Variants in PHF14 observed in about 807,000 individuals in gnomAD.
The protein encoded by PHF14 is PHD finger protein 14.
PHF14 carries 55 observed loss-of-function variants against 117.9 expected under a neutral mutation model. The ratio of observed to expected loss-of-function variants is 0.47; its 90% confidence interval spans 0.38 to 0.58. The LOEUF is 0.58. Among genes scored for constraint, PHF14 ranks in the 20% least tolerant of loss-of-function variants. The pLI is 0.00. For missense variants in PHF14, 978 were observed against 1,122.2 expected (o/e 0.87, Z 1.84); for synonymous variants, 409 against 368.6 (o/e 1.11, Z -1.26).
At chr7:11,015,281 G>A (rs558189145) in intron 5 of PHF14, 1 of 152,060 alleles carries the variant, frequency 6.6e-6, no homozygotes, top group Non-Finnish European at 1.5e-5. Flanking sequence ...CTTGAGAAAT[G>A]TTGCCATACA....
intron 16 of PHF14, among the ~76,000 whole-genome samples, chr7:11,090,964 G>A (rs1044836970): frequency 2.0e-5 from 3 of 152,206 alleles, no homozygotes; most frequent in Non-Finnish European, 4.4e-5. Flanking sequence ...GACCATATGA[G>A]TCATGTGTGA....
intron 17 of PHF14, among the ~76,000 whole-genome samples, chr7:11,132,422 C>T (rs987560991): frequency 2.6e-5 from 4 of 151,162 alleles, no homozygotes; most frequent in African/African-American, 7.3e-5. Flanking sequence ...TGGCAGATGG[C>T]GAGATCTCAT....
chr7:11,132,084 T>A (rs1788105850), intron 17 of PHF14, among the ~76,000 whole-genome samples: 1 of 151,708 alleles, frequency 6.6e-6, no homozygotes, highest in African/African-American at 2.4e-5. Context: ...TAATTACCAT[T>A]TTTTTGGGAG....
At chr7:10,989,123 A>G (rs979741512) in intron 3 of PHF14, among the ~76,000 whole-genome samples, 5 of 152,230 alleles carry the variant, frequency 3.3e-5, no homozygotes, top group Non-Finnish European at 5.9e-5. Context: ...TAGAAATACT[A>G]GAATTCTAAA....
intron 14 of PHF14, among the ~76,000 whole-genome samples, chr7:11,059,200 T>G (rs1785122615): frequency 6.6e-6 from 1 of 152,016 alleles, no homozygotes; most frequent in Non-Finnish European, 1.5e-5. Flanking sequence ...ATTGATGGAG[T>G]CATACCAGAT....
chr7:10,988,079 G>GATGT (rs1782290774), intron 3 of PHF14, among the ~76,000 whole-genome samples: 1 of 150,580 alleles, frequency 6.6e-6, no homozygotes, highest in African/African-American at 2.4e-5. Flanking sequence ...TTTTAAGGAG[G>GATGT]ATGTGTTACT....
At chr7:11,121,670 G>C (rs938393191) in intron 17 of PHF14, among the ~76,000 whole-genome samples, 36 of 152,188 alleles carry the variant, frequency 2.4e-4, no homozygotes, top group African/African-American at 8.2e-4. Flanking sequence ...GCAGTACTGT[G>C]ATGGTCGATC....
At position 11,161,587 on chromosome 7, in the gene PHF14, T is replaced by A. The variant is rs183494259; in HGVS notation, c.2773-7829T>A. The stretch of plus-strand genomic sequence containing the variant: ...CTAGTGATCTTGCCTATCTTGAACA[T>A]TTTTAGATATTATTTTTAGATTTTA... On this transcript the variant is annotated intron_variant, in intron 17 of 17. Transcript: ENST00000634607. Among the ~76,000 whole-genome samples the A allele has an allele frequency of 4.5e-3, 687 of 151,678 alleles. 2 individuals are homozygous for A. Among genetic ancestry groups the A allele is most frequent in the Non-Finnish European group, 6.3e-3 (427 of 67,864 alleles).
chr7:11,148,379 T>C lies in PHF14; in HGVS notation c.2773-21037T>C, dbSNP rs1454366932. On this transcript the variant is annotated intron_variant, in intron 17 of 17. Transcript: ENST00000634607. ...ATACATGCTGTGCTCTTTTCTACTT[T>C]AGGACCGTTGCCCTTGTTCCCTGTG... Among the ~76,000 whole-genome samples, 3 of 152,220 alleles carry C rather than the reference T, an allele frequency of 2.0e-5. No individual in the cohort carries two copies. The East Asian group carries it at 5.8e-4, about 29-fold the overall frequency.
chr7:11,009,287 G>A (rs915275335), intron 4 of PHF14, among the ~76,000 whole-genome samples: 1 of 152,142 alleles, frequency 6.6e-6, no homozygotes, highest in East Asian at 1.9e-4. Flanking sequence ...ACTGGCCCCT[G>A]TGTGAAAAGC....
At chr7:11,015,981 G>C (rs1444069108) in intron 5 of PHF14, among the ~76,000 whole-genome samples, 1 of 152,110 alleles carries the variant, frequency 6.6e-6, no homozygotes, top group Non-Finnish European at 1.5e-5. Context: ...TAAAAGTTCT[G>C]TTAGGACACT....
chr7:11,059,839 A>G (rs923861901), intron 14 of PHF14, among the ~76,000 whole-genome samples: 1 of 152,158 alleles, frequency 6.6e-6, no homozygotes, highest in Non-Finnish European at 1.5e-5. Flanking sequence ...CAAATTAGGG[A>G]AAAATAATTT....
intron 3 of PHF14, among the ~76,000 whole-genome samples, chr7:10,988,127 A>G (rs1681286): frequency 0.69 from 104,712 of 151,838 alleles, 36,686 homozygotes; most frequent in African/African-American, 0.8. Flanking sequence ...CTAGCCATTT[A>G]GTTAGGGAAA....
Position 11,122,348 on chromosome 7 carries a change from T to TACACACAC in PHF14, c.2772+10882_2772+10883insCACACACA, listed in dbSNP as rs1311000231. The stretch of plus-strand genomic sequence containing the variant: ...TGTACTTTTTATATATATATATATA[T>TACACACAC]ATATACACACACACACACACACACA... On this transcript the variant is annotated intron_variant, in intron 17 of 17. Transcript: ENST00000634607. Among the ~76,000 whole-genome samples the TACACACAC allele has an allele frequency of 3.7e-4, 23 of 61,614 alleles. 1 individual carries two copies. In the East Asian group the frequency reaches 0.012, roughly 31 times the overall value. The allele number at this position is 61,614 out of a possible 152,430, so 40.4% of individuals were successfully genotyped here.
chr7:11,102,717 G>A, intron 16 of PHF14: 1 of 1,394,672 alleles, frequency 7.2e-7, no homozygotes, highest in Non-Finnish European at 9.3e-7. Context: ...GACTAACAAG[G>A]CAGTAGATTT....
At chr7:11,051,911 T>C (rs956198845) in intron 14 of PHF14, 131 bp downstream of exon 14, 7 of 692,348 alleles carry the variant, frequency 1.0e-5, no homozygotes, top group Middle Eastern at 3.1e-4. Context: ...TTCTTAACAA[T>C]TTTTTTTCTA....
At chr7:11,032,312 T>C (rs1046638812) in intron 7 of PHF14, among the ~76,000 whole-genome samples, 1 of 152,174 alleles carries the variant, frequency 6.6e-6, no homozygotes, top group Non-Finnish European at 1.5e-5. Context: ...TATTTAAATG[T>C]TTCTGGTTTC....
At chr7:11,157,158 T>A (rs1788886863) in intron 17 of PHF14, among the ~76,000 whole-genome samples, 1 of 152,176 alleles carries the variant, frequency 6.6e-6, no homozygotes, top group Non-Finnish European at 1.5e-5. Context: ...CAATAAAACA[T>A]CTCATTCATA....
At chr7:11,151,907 T>C (rs1333284515) in intron 17 of PHF14, among the ~76,000 whole-genome samples, 1 of 152,214 alleles carries the variant, frequency 6.6e-6, no homozygotes, top group African/African-American at 2.4e-5. Flanking sequence ...AAGCTGATCC[T>C]TGTACATTTT....
Sources: gnomAD v4.1 joint callset for allele counts (sites outside exome capture counted in the v4.1 genomes callset) on GRCh38, gnomAD v4.1.1 for gene constraint, MANE v1.5 for transcripts, NCBI Gene and HGNC (gene_info 2026-07-23, HGNC 2026-07-21) for gene names.